Variants in FN1 observed in about 807,000 individuals in gnomAD.
FN1 encodes the protein fibronectin 1.
FN1 carries 106 observed loss-of-function variants against 297.3 expected under a neutral mutation model. That is an observed-to-expected ratio of 0.36 (90% CI 0.30 to 0.42). FN1 has a LOEUF of 0.42. Among genes scored for constraint, FN1 ranks in the 10% least tolerant of loss-of-function variants. The probability of loss-of-function intolerance (pLI) is 1.00; values close to 1 mark genes in which losing one functional copy is unlikely to be tolerated. For synonymous variants in FN1, 1,149 were observed against 1,152.6 expected (o/e 1.00, Z 0.06); for missense variants, 2,690 against 3,124.9 (o/e 0.86, Z 3.32).
chr2:215,383,786 T>C (rs1663512523), intron 30 of FN1, among the ~76,000 whole-genome samples: 1 of 152,230 alleles, frequency 6.6e-6, no homozygotes. Flanking sequence ...TCTCTATGCC[T>C]GTCGTATTGC....
chr2:215,374,634 A>C (rs903763562), intron 38 of FN1, among the ~76,000 whole-genome samples: 1 of 152,218 alleles, frequency 6.6e-6, no homozygotes, highest in Non-Finnish European at 1.5e-5. Context: ...AAACCTCTTT[A>C]TAGCAGTATG....
At chr2:215,431,727 G>T in intron 4 of FN1, 106 bp downstream of exon 4, 1 of 1,155,008 alleles carries the variant, frequency 8.7e-7, no homozygotes, top group East Asian at 2.3e-5. Flanking sequence ...TTCTTTATTG[G>T]TTTTCACTGG....
Position 215,428,203 on chromosome 2 carries a change from G to A in FN1, c.821C>T (p.Thr274Ile). The change falls in exon 6 of 46, where the codon ACC (threonine) becomes ATC (isoleucine). Residue 274 changes from threonine (T) to isoleucine (I), a missense_variant. This residue lies in a region of FN1 where 876 missense variants were observed against 1,058.1 expected (regional missense o/e 0.83). Coordinates refer to ENST00000354785, the MANE Select transcript of FN1 (RefSeq NM_212482.4). ...GRGEWKCERH[T>I]SVQTTSSGSG... is the part of the protein sequence containing the mutation. ...ACCGCTCGATGTGGTCTGCACAGAG[G>A]TGTGCCTCTCACACTTCCACTCTCC... is the stretch of plus-strand genomic sequence containing the variant. 1 of 1,614,196 alleles carries A rather than the reference G, an allele frequency of 6.2e-7. No individual in the cohort carries two copies. Among genetic ancestry groups the A allele is most frequent in the Non-Finnish European group, 8.5e-7 (1 of 1,180,056 alleles).
chr2:215,423,282 C>T, intron 9 of FN1, 68 bp downstream of exon 9: 2 of 1,514,026 alleles, frequency 1.3e-6, no homozygotes, highest in Non-Finnish European at 1.8e-6. Context: ...GTAAACTGGA[C>T]ACTAGTCTTT....
chr2:215,435,869 C>CA lies in FN1; in HGVS notation c.-68dup. 6.7e-7 allele frequency: 1 copy of CA among 1,490,150 alleles called. No homozygotes were observed. The highest frequency in any genetic ancestry group is 1.3e-5 in the South Asian group (1 of 76,930). The allele number at this position is 1,490,150 out of a possible 1,614,324, so 92.3% of individuals were successfully genotyped here. ...TTGCCACCAAGTTTGCTTCCCTTCG[C>CA]AACCTGCGGGAAAAATCCCTTCTAA... On this transcript the variant is annotated 5_prime_UTR_variant, in exon 1 of 46. Transcript: ENST00000354785.
At position 215,427,245 on chromosome 2, in the gene FN1, A is replaced by T. The variant is rs552583274; in HGVS notation, c.844+935T>A. The stretch of plus-strand genomic sequence containing the variant: ...ATAAAATAACTCAAAGATATTATCA[A>T]ATCTAATCTTGTTCACCTTCATAAG... On this transcript the variant is annotated intron_variant, in intron 6 of 45. Coordinates refer to ENST00000354785, the MANE Select transcript of FN1 (RefSeq NM_212482.4). Among the ~76,000 whole-genome samples the T allele has an allele frequency of 1.1e-4, 17 of 152,334 alleles. No homozygotes were observed. In the South Asian group the frequency reaches 3.5e-3, roughly 32 times the overall value.
chr2:215,419,751 G>T (rs2063959134), intron 11 of FN1, among the ~76,000 whole-genome samples: 1 of 152,102 alleles, frequency 6.6e-6, no homozygotes, highest in African/African-American at 2.4e-5. Flanking sequence ...AAAAAAATCT[G>T]CAATAATTTC....
intron 32 of FN1, chr2:215,381,966 C>T (rs992951309): frequency 6.4e-6 from 3 of 468,754 alleles, no homozygotes; most frequent in Non-Finnish European, 1.2e-5. Context: ...TCGCTGAGGC[C>T]ATTTGAGCAA....
At chr2:215,378,968 G>A (rs899031766) in intron 34 of FN1, among the ~76,000 whole-genome samples, 162 bp downstream of exon 34, 3 of 152,110 alleles carry the variant, frequency 2.0e-5, no homozygotes, top group East Asian at 3.8e-4. Flanking sequence ...GAAAACTTAG[G>A]TCAACATAAA....
At chr2:215,411,513 A>G (rs2062621330) in intron 13 of FN1, among the ~76,000 whole-genome samples, 1 of 152,216 alleles carries the variant, frequency 6.6e-6, no homozygotes, top group Non-Finnish European at 1.5e-5. Context: ...TCATTTTTCA[A>G]CATGAGCTTG....
At chr2:215,406,651 A>T in intron 18 of FN1, 141 bp from the exon 19 acceptor site, 1 of 840,942 alleles carries the variant, frequency 1.2e-6, no homozygotes, top group Non-Finnish European at 1.9e-6. Context: ...ATCAGATCAC[A>T]TTTTCATGGT....
chr2:215,397,411 TTAA>T (rs2060433190), intron 22 of FN1, among the ~76,000 whole-genome samples, 188 bp from the exon 23 acceptor site: 1 of 151,262 alleles, frequency 6.6e-6, no homozygotes, highest in African/African-American at 2.4e-5. Context: ...TTCTTTATGA[TTAA>T]TGATTTTGCA....
chr2:215,434,016 T>A (rs2067005146), intron 2 of FN1, among the ~76,000 whole-genome samples: 1 of 152,194 alleles, frequency 6.6e-6, no homozygotes, highest in Non-Finnish European at 1.5e-5. Flanking sequence ...GCAGGAGAAT[T>A]GCTTGAACCC....
intron 39 of FN1, among the ~76,000 whole-genome samples, 157 bp downstream of exon 39, chr2:215,373,165 C>G (rs1216401061): frequency 6.6e-6 from 1 of 152,018 alleles, no homozygotes; most frequent in Non-Finnish European, 1.5e-5. Context: ...TAAATTATTT[C>G]TCCTATTAAA....
chr2:215,422,213 C>A lies in FN1; in HGVS notation c.1424G>T (p.Gly475Val). The change falls in exon 10 of 46, where the codon GGG becomes GTG. Residue 475 changes from glycine to valine, a missense_variant. Transcript: ENST00000354785. The part of the protein sequence containing the change: ...AHEEICTTNE[G>V]VMYRIGDQWD... ...CTGATCTCCAATGCGGTACATGACCCCTTCATTGGTTGTGCAGATTTCCTC... is the reference window on the plus strand; with the variant it reads ...CTGATCTCCAATGCGGTACATGACCACTTCATTGGTTGTGCAGATTTCCTC... 1.9e-6 allele frequency: 3 copies of A among 1,614,052 alleles called. No homozygotes were observed. The highest frequency in any genetic ancestry group is 2.5e-6 in the Non-Finnish European group (3 of 1,179,926).
rs763528315 is a variant in FN1, at chr2:215,383,460, G to C, written c.4918C>G (p.Gln1640Glu). 4.3e-6 allele frequency: 7 copies of C among 1,614,052 alleles called. No individual in the cohort carries two copies. In the African/African-American group the frequency reaches 9.3e-5, roughly 22 times the overall value. The change falls in exon 31 of 46, where the codon CAA (glutamine) becomes GAA (glutamate). Residue 1640 changes from glutamine to glutamate, a missense_variant. By Grantham distance (29) the Gln-to-Glu change is conservative. Around this residue, in one of 3 missense-constraint regions of FN1, gnomAD observed 1,743 missense variants for 1,945.2 expected, o/e 0.90. Transcript: ENST00000354785. ...RTEIDKPSQMQVTDVQDNSIS... is the reference protein window; with the variant it reads ...RTEIDKPSQMEVTDVQDNSIS... ...CTGTTGTCCTGAACATCGGTCACTT[G>C]CATCTGGGATGGTTTGTCAATTTCT...
chr2:215,417,092 T>C (rs1016331154), intron 12 of FN1, among the ~76,000 whole-genome samples: 2 of 152,256 alleles, frequency 1.3e-5, no homozygotes, highest in African/African-American at 4.8e-5. Context: ...TAGCTTATAC[T>C]ATGTATCCTT....
intron 1 of FN1, 88 bp downstream of exon 1, chr2:215,435,567 C>A: frequency 6.4e-7 from 1 of 1,565,754 alleles, no homozygotes; most frequent in Non-Finnish European, 8.7e-7. Context: ...CGCACACACG[C>A]GCGCGCACAA....
chr2:215,370,425 A>G lies in FN1; in HGVS notation c.6722T>C (p.Val2241Ala). The change falls in exon 41 of 46, where the codon GTT becomes GCT. Residue 2241 changes from valine (V) to alanine (A), a missense_variant. By Grantham distance (64) the Val-to-Ala change is moderately conservative. Transcript: ENST00000354785. ...GTDEEPLQFR[V>A]PGTSTSATLT... ...AGTGGCACTGGTAGAAGTTCCAGGA[A>G]CCCTGAACTGCAATTATCGGTACAT... is the stretch of plus-strand genomic sequence containing the variant. 2 of 1,613,734 alleles carry G rather than the reference A, an allele frequency of 1.2e-6. No individual in the cohort carries two copies. Among genetic ancestry groups the G allele is most frequent in the East Asian group, 2.2e-5 (1 of 44,870 alleles).
Sources: allele counts gnomAD v4.1 joint callset (sites outside exome capture counted in the v4.1 genomes callset), GRCh38; gene constraint gnomAD v4.1.1; regional missense constraint gnomAD v4.1.1; transcripts MANE v1.5; gene names NCBI Gene and HGNC (gene_info 2026-07-23, HGNC 2026-07-21).